Variants in ZNG1B observed in about 807,000 individuals in gnomAD.
ZNG1B encodes the protein Zn regulated GTPase metalloprotein activator 1B.
At chr2:113,453,237 T>C in the ZNG1B span, 1 of 1,574,316 alleles carries the variant, frequency 6.4e-7, no homozygotes, top group Non-Finnish European at 8.5e-7. Flanking sequence ...TTTCTTGTTT[T>C]TTGTTTTTTT....
the ZNG1B span, among the ~76,000 whole-genome samples, chr2:113,457,953 G>A: frequency 6.9e-6 from 1 of 144,758 alleles, no homozygotes; most frequent in Non-Finnish European, 1.5e-5. Context: ...TTAAATTGGG[G>A]TTTTGATCCT....
At chr2:113,442,975 T>G in the ZNG1B span, among the ~76,000 whole-genome samples, 1 of 151,752 alleles carries the variant, frequency 6.6e-6, no homozygotes, top group Non-Finnish European at 1.5e-5. Context: ...AGTTTAGGTT[T>G]TTTTTTTTTT....
At chr2:113,446,305 T>TA in the ZNG1B span, among the ~76,000 whole-genome samples, 1 of 152,166 alleles carries the variant, frequency 6.6e-6, no homozygotes, top group East Asian at 1.9e-4. Context: ...ATTGTAGTTA[T>TA]AAAAAATCTT....
At chr2:113,450,269 G>A in the ZNG1B span, among the ~76,000 whole-genome samples, 30,258 of 114,156 alleles carry the variant, frequency 0.27, 4,568 homozygotes, top group East Asian at 0.39. Flanking sequence ...ACTTCATGAC[G>A]CCAGTTTTTT....
At chr2:113,482,081 A>G in the ZNG1B span, 1 of 848,026 alleles carries the variant, frequency 1.2e-6, no homozygotes, top group Non-Finnish European at 1.8e-6. Flanking sequence ...ATAGTCAGTT[A>G]TGGAAAGTCA....
chr2:113,467,181 G>T, the ZNG1B span, among the ~76,000 whole-genome samples: 2 of 148,652 alleles, frequency 1.3e-5, no homozygotes, highest in Non-Finnish European at 3.0e-5. Context: ...CCATTTTGTA[G>T]CTGACAAGTA....
the ZNG1B span, among the ~76,000 whole-genome samples, chr2:113,488,544 T>C: frequency 1.3e-5 from 2 of 151,602 alleles, no homozygotes; most frequent in African/African-American, 4.8e-5. Flanking sequence ...GAAAAAGAAT[T>C]CACTAGGTTG....
the ZNG1B span, chr2:113,453,232 T>G: frequency 6.4e-7 from 1 of 1,573,448 alleles, no homozygotes; most frequent in Admixed American, 2.0e-5. Context: ...TTATCTTTCT[T>G]GTTTTTTGTT....
the ZNG1B span, among the ~76,000 whole-genome samples, chr2:113,488,860 C>G: frequency 1.3e-5 from 2 of 151,990 alleles, no homozygotes; most frequent in African/African-American, 4.8e-5. Context: ...TTCAAGAAAT[C>G]TGGAATTATG....
the ZNG1B span, chr2:113,445,128 T>C: frequency 1.3e-6 from 2 of 1,568,986 alleles, no homozygotes; most frequent in Non-Finnish European, 1.7e-6. Flanking sequence ...TAGAGGAATA[T>C]CTAACATGAG....
the ZNG1B span, among the ~76,000 whole-genome samples, chr2:113,450,086 T>C: frequency 6.6e-6 from 1 of 151,932 alleles, no homozygotes; most frequent in Admixed American, 6.6e-5. Context: ...AAATCTAAAA[T>C]GCCTGAGAGT....
the ZNG1B span, among the ~76,000 whole-genome samples, chr2:113,475,755 G>T: frequency 1.3e-5 from 2 of 152,000 alleles, no homozygotes; most frequent in African/African-American, 4.8e-5. Flanking sequence ...ATGAAGCTTA[G>T]TTTGGCTGGA....
the ZNG1B span, among the ~76,000 whole-genome samples, chr2:113,463,235 T>G: frequency 6.6e-6 from 1 of 152,148 alleles, no homozygotes; most frequent in Non-Finnish European, 1.5e-5. Flanking sequence ...GGCTTTGTTT[T>G]GAATTATTTT....
the ZNG1B span, among the ~76,000 whole-genome samples, chr2:113,472,336 T>G: frequency 6.6e-5 from 10 of 151,910 alleles, no homozygotes; most frequent in Admixed American, 6.6e-4. Context: ...GGGTTGTTTG[T>G]TTTTTTTCTT....
chr2:113,460,553 A>G, the ZNG1B span: 1 of 1,404,058 alleles, frequency 7.1e-7, no homozygotes, highest in South Asian at 1.2e-5. Flanking sequence ...GTATTCAGTA[A>G]CAGAACATGT....
At chr2:113,487,791 G>T in the ZNG1B span, among the ~76,000 whole-genome samples, 134 of 150,332 alleles carry the variant, frequency 8.9e-4, 1 homozygote, top group East Asian at 0.026. Flanking sequence ...ACATTTAGGT[G>T]GTTGTTAGTG....
the ZNG1B span, among the ~76,000 whole-genome samples, chr2:113,455,837 C>T: frequency 8.1e-6 from 1 of 124,106 alleles, no homozygotes; most frequent in African/African-American, 3.1e-5. Context: ...TCCCTTGTCT[C>T]AGCCTCCTGA....
At chr2:113,458,082 A>G in the ZNG1B span, among the ~76,000 whole-genome samples, 1 of 150,444 alleles carries the variant, frequency 6.6e-6, no homozygotes, top group African/African-American at 2.4e-5. Context: ...TCTATGTAAT[A>G]TAAAATATTT....
the ZNG1B span, among the ~76,000 whole-genome samples, chr2:113,474,133 G>A: frequency 6.6e-6 from 1 of 151,766 alleles, no homozygotes; most frequent in Non-Finnish European, 1.5e-5. Flanking sequence ...CTTTTTGGTT[G>A]GTAAGCTATT....
Sources: gnomAD v4.1 joint callset for allele counts (sites outside exome capture counted in the v4.1 genomes callset) on GRCh38, gnomAD v4.1.1 for gene constraint, MANE v1.5 for transcripts, NCBI Gene and HGNC (gene_info 2026-07-23, HGNC 2026-07-21) for gene names.